TMEM52B: variants seen among roughly 807,000 people sequenced by gnomAD.
TMEM52B encodes the protein transmembrane protein 52B.
A neutral mutation model predicts 16.1 loss-of-function variants in TMEM52B; 11 were observed. The observed-to-expected ratio is 0.68, with a 90% CI of 0.43 to 1.13. The LOEUF (loss-of-function observed/expected upper bound fraction) is 1.13, where lower values mean the gene tolerates loss of function less well. Among genes scored for constraint, TMEM52B ranks in the 50% most tolerant of loss-of-function variants. The probability of loss-of-function intolerance (pLI) is 0.00; values close to 1 mark genes in which losing one functional copy is unlikely to be tolerated. For missense variants in TMEM52B, 243 were observed against 230.4 expected (o/e 1.05, Z -0.35); for synonymous variants, 101 against 93.8 (o/e 1.08, Z -0.45).
intron 4 of TMEM52B, among the ~76,000 whole-genome samples, chr12:10,188,784 C>T (rs1185329916): frequency 4.0e-5 from 6 of 151,316 alleles, no homozygotes; most frequent in African/African-American, 4.9e-5. Flanking sequence ...TTTGGGAGGC[C>T]GAAGCGGGTG....
chr12:10,175,116 A>T (rs1449104116), upstream of TMEM52B, among the ~76,000 whole-genome samples: 1 of 152,084 alleles, frequency 6.6e-6, no homozygotes, highest in East Asian at 1.9e-4. Flanking sequence ...GGTGTTCATG[A>T]TCTTGTGTAA....
intron 1 of TMEM52B, among the ~76,000 whole-genome samples, chr12:10,171,382 T>G (rs1443464708): frequency 6.6e-6 from 1 of 152,228 alleles, no homozygotes; most frequent in Admixed American, 6.5e-5. Flanking sequence ...GCTATGCAAT[T>G]TAATTACTGT....
rs199507184 is a variant in TMEM52B at position 10,189,878 on chromosome 12, T to C, written c.308-18T>C. The C allele has an allele frequency of 2.3e-4, 363 of 1,612,556 alleles. No individual in the cohort carries two copies. The African/African-American group carries it at 4.3e-3, about 19-fold the overall frequency. ...TGTTTCCCTTAGTTTCTTAGCTCTG[T>C]TCCTTCTTTCTTCACAGCTCTGCAG... On this transcript the variant is annotated intron_variant, in intron 4 of 4. Transcript: ENST00000543484.
At chr12:10,189,205 A>C (rs1456027083) in intron 4 of TMEM52B, among the ~76,000 whole-genome samples, 16 of 149,794 alleles carry the variant, frequency 1.1e-4, no homozygotes, top group Non-Finnish European at 1.6e-4. Context: ...ACTGTCTAAA[A>C]AAAAAAAAAA....
At chr12:10,176,805 G>A (rs76486998), upstream of TMEM52B, among the ~76,000 whole-genome samples, 4,483 of 152,174 alleles carry the variant, frequency 0.029, 121 homozygotes, top group Middle Eastern at 0.11. Flanking sequence ...TATATAAAAT[G>A]AAAATGAGCC....
intron 4 of TMEM52B, among the ~76,000 whole-genome samples, chr12:10,189,524 T>C (rs1391688155): frequency 2.0e-5 from 3 of 149,518 alleles, no homozygotes; most frequent in East Asian, 2.0e-4. Flanking sequence ...CTTGGGAGGC[T>C]GAGGCAGGAG....
intron 4 of TMEM52B, among the ~76,000 whole-genome samples, 173 bp downstream of exon 4, chr12:10,186,762 G>A (rs1451428768): frequency 6.6e-6 from 1 of 152,164 alleles, no homozygotes; most frequent in African/African-American, 2.4e-5. Flanking sequence ...CTGAAGCTGT[G>A]TTCTCAAGGG....
intron 1 of TMEM52B, among the ~76,000 whole-genome samples, chr12:10,181,091 G>A (rs1255949365): frequency 6.6e-6 from 1 of 152,118 alleles, no homozygotes; most frequent in Non-Finnish European, 1.5e-5. Context: ...GCAGGTGTGA[G>A]CCACTGCACC....
At chr12:10,177,993 T>C (rs1369702801), upstream of TMEM52B, among the ~76,000 whole-genome samples, 1 of 150,562 alleles carries the variant, frequency 6.6e-6, no homozygotes, top group Non-Finnish European at 1.5e-5. Context: ...CCTTCCGGGT[T>C]CAAGTGGCCC....
At chr12:10,175,867 A>G (rs908802642), upstream of TMEM52B, among the ~76,000 whole-genome samples, 14 of 152,248 alleles carry the variant, frequency 9.2e-5, no homozygotes, top group African/African-American at 3.4e-4. Context: ...ATAGTTGGCC[A>G]CCTGACTTAG....
At chr12:10,183,522 C>T (rs929974751) in intron 2 of TMEM52B, among the ~76,000 whole-genome samples, 1 of 151,990 alleles carries the variant, frequency 6.6e-6, no homozygotes, top group Admixed American at 6.6e-5. Flanking sequence ...AATAGATTCA[C>T]TAGATTTCAG....
At position 10,179,158 on chromosome 12, in the gene TMEM52B, A is replaced by G. The variant is rs532830718; in HGVS notation, c.-417A>G. ...GGTCACCAGCAATCTGCCTTTGACC[A>G]TCCTCAAAGCCAAGTTTTTCATCGC... On this transcript the variant is annotated 5_prime_UTR_variant, in exon 1 of 5. Coordinates refer to ENST00000543484, the MANE Select transcript of TMEM52B (RefSeq NM_001384896.1). The G allele has an allele frequency of 5.6e-6, 1 of 177,248 alleles. No homozygotes were observed. Among genetic ancestry groups the G allele is most frequent in the South Asian group, 1.3e-4 (1 of 7,942 alleles). The allele number at this position is 177,248 out of a possible 1,614,324, so 11.0% of individuals were successfully genotyped here.
chr12:10,184,951 A>G (rs1387580854), intron 2 of TMEM52B, among the ~76,000 whole-genome samples: 1 of 151,988 alleles, frequency 6.6e-6, no homozygotes, highest in Non-Finnish European at 1.5e-5. Context: ...TGACCTCGTG[A>G]TCTGCCAGCC....
At position 10,186,310 on chromosome 12, in the gene TMEM52B, T is replaced by C. The variant is rs933144876; in HGVS notation, c.138-110T>C. 3 of 707,828 alleles carry C rather than the reference T, an allele frequency of 4.2e-6. No homozygotes were observed. In the African/African-American group the frequency reaches 5.5e-5, roughly 13 times the overall value. The allele number at this position is 707,828 out of a possible 1,614,324, so 43.8% of individuals were successfully genotyped here. A position where few individuals can be genotyped will look rare whatever the true frequency, so the allele number is the denominator to read the frequency against. ...TAAATTAAAATATTTATAATTATTC[T>C]ATAAAATGTTTAGACAAGAATCAAA... is the stretch of plus-strand genomic sequence containing the variant. On this transcript the variant is annotated intron_variant, in intron 3 of 4. Coordinates refer to ENST00000543484, the MANE Select transcript of TMEM52B (RefSeq NM_001384896.1).
chr12:10,189,862 T>C lies in TMEM52B; in HGVS notation c.308-34T>C, dbSNP rs377272370. On this transcript the variant is annotated intron_variant, in intron 4 of 4. Transcript: ENST00000543484. ...CTGTCTGAGGGTGTCCTGTTTCCCTTAGTTTCTTAGCTCTGTTCCTTCTTT... is the reference window on the plus strand; with the variant it reads ...CTGTCTGAGGGTGTCCTGTTTCCCTCAGTTTCTTAGCTCTGTTCCTTCTTT... 5.6e-6 allele frequency: 9 copies of C among 1,607,304 alleles called. No homozygotes were observed. In the African/African-American group the frequency reaches 8.0e-5, roughly 14 times the overall value.
chr12:10,186,595 T>C lies in TMEM52B; in HGVS notation c.307+6T>C, dbSNP rs375933197. ...TCTCCAGAGCACTATCACATGTGAG[T>C]ACACTGAACTTTTAACCTGGGAGGA... On this transcript the variant is annotated splice_donor_region_variant and intron_variant, in intron 4 of 4. Transcript: ENST00000543484. 6.4e-6 allele frequency: 10 copies of C among 1,553,068 alleles called. No homozygotes were observed. In the South Asian group the frequency reaches 1.1e-4, roughly 17 times the overall value.
Position 10,182,601 on chromosome 12 carries a change from T to C in TMEM52B, c.98+8T>C, listed in dbSNP as rs1001531596. On this transcript the variant is annotated splice_region_variant and intron_variant, in intron 2 of 4. Transcript: ENST00000543484. ...CTGTGGTAATCCTGAACAGTAAGTATAGAGTTCAAGCTGGGAGGAAGGAGC... is the reference window on the plus strand; with the variant it reads ...CTGTGGTAATCCTGAACAGTAAGTACAGAGTTCAAGCTGGGAGGAAGGAGC... 19 of 1,534,332 alleles carry C rather than the reference T, an allele frequency of 1.2e-5. No homozygotes were observed. In the African/African-American group the frequency reaches 1.9e-4, roughly 15 times the overall value.
intron 1 of TMEM52B, chr12:10,171,957 A>G: frequency 7.0e-7 from 1 of 1,425,556 alleles, no homozygotes; most frequent in South Asian, 1.2e-5. Context: ...TTTTGGGGCT[A>G]ACACTGGGAT....
intron 1 of TMEM52B, 64 bp from the exon 2 acceptor site, chr12:10,182,486 G>C (rs1948836042): frequency 4.6e-6 from 7 of 1,517,154 alleles, no homozygotes; most frequent in Non-Finnish European, 6.2e-6. Flanking sequence ...AGAGATGATT[G>C]GTAAGCAGCT....
Sources: gnomAD v4.1 joint callset for allele counts (sites outside exome capture counted in the v4.1 genomes callset) on GRCh38, gnomAD v4.1.1 for gene constraint, MANE v1.5 for transcripts, NCBI Gene and HGNC (gene_info 2026-07-23, HGNC 2026-07-21) for gene names.